OTOF: variants seen among roughly 807,000 people sequenced by gnomAD.
OTOF encodes the protein otoferlin, also known as fer-1-like family member 2.
OTOF carries 218 observed loss-of-function variants against 236.8 expected under a neutral mutation model. The observed-to-expected ratio is 0.92, with a 90% CI of 0.82 to 1.03. The LOEUF (loss-of-function observed/expected upper bound fraction) is 1.03. Ranked by LOEUF, OTOF falls within the 50% of genes least tolerant of loss-of-function variation. The pLI, the probability that OTOF is intolerant of heterozygous loss-of-function variation, is 0.00. For synonymous variants in OTOF, 1,041 were observed against 1,072.5 expected (o/e 0.97, Z 0.57); for missense variants, 2,590 against 2,694.4 (o/e 0.96, Z 0.86).
Position 26,460,818 on chromosome 2 carries a change from C to T in OTOF, c.5712+34G>A. The T allele has an allele frequency of 1.9e-6, 3 of 1,613,960 alleles. No individual in the cohort carries two copies. The highest frequency in any genetic ancestry group is 2.5e-6 in the Non-Finnish European group (3 of 1,179,872). On this transcript the variant is annotated intron_variant, in intron 44 of 46. Transcript: ENST00000272371. This position sits in a 1 kb window ranked among gnomAD's most constrained non-coding sequence, Gnocchi z 5.3. ...CCTTGGCACCCCAGCCAGTCCCAGCCCTGCCTACTGCCCGAGCAGGAAGGG... is the reference window on the plus strand; with the variant it reads ...CCTTGGCACCCCAGCCAGTCCCAGCTCTGCCTACTGCCCGAGCAGGAAGGG...
At position 26,477,333 on chromosome 2, in the gene OTOF, C is replaced by T. The variant is rs376733832; in HGVS notation, c.2407-45G>A. On this transcript the variant is annotated intron_variant, in intron 20 of 46. Coordinates refer to ENST00000272371, the MANE Select transcript of OTOF (RefSeq NM_194248.3). The surrounding 1 kb of genome is among the most constrained non-coding windows in gnomAD (Gnocchi z 4.7). ...AGTGAACCCAGCAACTGGGGGACAG[C>T]TCGGGCCATGACAAAGGGGGTTGTG... 6.3e-7 allele frequency: 1 copy of T among 1,596,838 alleles called. No homozygotes were observed. Among genetic ancestry groups the T allele is most frequent in the African/African-American group, 1.3e-5 (1 of 74,610 alleles).
intron 25 of OTOF, 67 bp downstream of exon 25, chr2:26,475,292 T>G: frequency 6.4e-7 from 1 of 1,570,950 alleles, no homozygotes; most frequent in East Asian, 2.2e-5. Flanking sequence ...TCAGCGCAGG[T>G]GGAGTGCAGG....
chr2:26,492,928 G>T (rs1364733111), intron 9 of OTOF, among the ~76,000 whole-genome samples: 2 of 152,200 alleles, frequency 1.3e-5, no homozygotes, highest in Non-Finnish European at 2.9e-5. Flanking sequence ...TGGGAAAGAG[G>T]AAGTAATTTG....
At chr2:26,526,195 G>A (rs992284824) in intron 3 of OTOF, among the ~76,000 whole-genome samples, 3 of 151,592 alleles carry the variant, frequency 2.0e-5, no homozygotes, top group Non-Finnish European at 4.4e-5. Flanking sequence ...AGTGGTGGAT[G>A]AATGGATGGA....
intron 9 of OTOF, 150 bp downstream of exon 9, chr2:26,494,792 A>G (rs2148071761): frequency 1.2e-6 from 1 of 844,622 alleles, no homozygotes; most frequent in Middle Eastern, 2.8e-4. Flanking sequence ...TCTGTTTGTC[A>G]GTGTCCTGGG....
intron 1 of OTOF, among the ~76,000 whole-genome samples, chr2:26,542,733 C>A (rs1490138633): frequency 6.6e-6 from 1 of 152,188 alleles, no homozygotes; most frequent in Non-Finnish European, 1.5e-5. Flanking sequence ...AAGGGAAAAG[C>A]AAGAATGGTC....
chr2:26,524,628 T>A (rs1207707743), intron 3 of OTOF, among the ~76,000 whole-genome samples: 1 of 152,268 alleles, frequency 6.6e-6, no homozygotes, highest in Non-Finnish European at 1.5e-5. Flanking sequence ...AGTCTTTTGA[T>A]GGGCTCAAGT....
At chr2:26,556,624 G>A (rs999878282) in intron 1 of OTOF, among the ~76,000 whole-genome samples, 2 of 152,108 alleles carry the variant, frequency 1.3e-5, no homozygotes, top group African/African-American at 4.8e-5. Flanking sequence ...GAGAAGATGG[G>A]TGTCAGACAA....
chr2:26,492,337 C>T (rs1167454402), intron 9 of OTOF, among the ~76,000 whole-genome samples: 1 of 152,120 alleles, frequency 6.6e-6, no homozygotes, highest in East Asian at 1.9e-4. Flanking sequence ...TCCAAGATAC[C>T]ATAGTGCTGA....
In OTOF at chr2:26,476,871, C is replaced by T. The variant is rs890867522; in HGVS notation, c.2676+20G>A. 28 of 1,604,262 alleles carry T rather than the reference C, an allele frequency of 1.7e-5. No homozygotes were observed. Among genetic ancestry groups the T allele is most frequent in the Non-Finnish European group, 2.3e-5 (27 of 1,178,664 alleles). ...CCCTGAAAGGACCCAGGCCCCCATC[C>T]ATCCTGCCCCCTCCAGCACCTTAAG... On this transcript the variant is annotated intron_variant, in intron 22 of 46. Coordinates refer to ENST00000272371, the MANE Select transcript of OTOF (RefSeq NM_194248.3).
At chr2:26,542,893 A>T (rs886284350) in intron 1 of OTOF, among the ~76,000 whole-genome samples, 1 of 152,210 alleles carries the variant, frequency 6.6e-6, no homozygotes, top group Non-Finnish European at 1.5e-5. Flanking sequence ...GGCCCAGCCC[A>T]CTAGCCTATC....
chr2:26,547,442 C>CT (rs1667359691), intron 1 of OTOF, among the ~76,000 whole-genome samples: 1 of 152,068 alleles, frequency 6.6e-6, no homozygotes, highest in Non-Finnish European at 1.5e-5. Flanking sequence ...TGTGTAAGGT[C>CT]TTTGTCAGGT....
intron 1 of OTOF, among the ~76,000 whole-genome samples, chr2:26,540,986 A>G (rs1667200221): frequency 6.6e-6 from 1 of 152,368 alleles, no homozygotes; most frequent in South Asian, 2.1e-4. Flanking sequence ...CCCCGCAGGT[A>G]ACACACAATA....
chr2:26,496,569 T>A (rs531236511), intron 8 of OTOF, among the ~76,000 whole-genome samples: 1 of 151,980 alleles, frequency 6.6e-6, no homozygotes, highest in Non-Finnish European at 1.5e-5. Context: ...TAAAAAGATA[T>A]AAGGACAGAG....
rs878924676 is a variant in OTOF, at chr2:26,461,727, A to G, written c.5502T>C (p.Asp1834=). Residue 1834 remains aspartate (D), a synonymous_variant, in exon 43 of 47, where the codon GAT becomes GAC. Coordinates refer to ENST00000272371, the MANE Select transcript of OTOF (RefSeq NM_194248.3). This position sits in a 1 kb window ranked among gnomAD's most constrained non-coding sequence, Gnocchi z 6.2. ...AGTCGTCAGCGGAGAAGTGGTCCGC[A>G]TCCCAGATCTGCAGGGTGAGCCGCG... The part of the protein sequence containing the change: ...IPARLTLQIW[D]ADHFSADDFL... 3.7e-6 allele frequency: 6 copies of G among 1,614,014 alleles called. 1 individual carries two copies. Among genetic ancestry groups the G allele is most frequent in the South Asian group, 2.2e-5 (2 of 91,094 alleles).
At chr2:26,482,105 T>A (rs752736209) in intron 14 of OTOF, among the ~76,000 whole-genome samples, 1 of 152,186 alleles carries the variant, frequency 6.6e-6, no homozygotes, top group Non-Finnish European at 1.5e-5. Flanking sequence ...AATGTGCATA[T>A]CATACTATAA....
intron 35 of OTOF, 51 bp downstream of exon 35, chr2:26,467,048 G>A (rs761338416): frequency 5.6e-6 from 9 of 1,607,528 alleles, no homozygotes; most frequent in Middle Eastern, 3.3e-4. Flanking sequence ...AACCTGTGGG[G>A]GGGGCAAGGG....
chr2:26,524,868 T>A (rs1238390740), intron 3 of OTOF, among the ~76,000 whole-genome samples: 1 of 152,246 alleles, frequency 6.6e-6, no homozygotes, highest in Non-Finnish European at 1.5e-5. Context: ...CAGCTAGGGC[T>A]GTAGTGGCTG....
intron 1 of OTOF, among the ~76,000 whole-genome samples, chr2:26,538,070 C>T (rs1456826955): frequency 6.6e-6 from 1 of 152,222 alleles, no homozygotes; most frequent in Non-Finnish European, 1.5e-5. Context: ...AAGCGGACCT[C>T]AGGCACTCTT....
Sources: allele counts gnomAD v4.1 joint callset (sites outside exome capture counted in the v4.1 genomes callset), GRCh38; gene constraint gnomAD v4.1.1; non-coding constraint Gnocchi (gnomAD v3.1); transcripts MANE v1.5; gene names NCBI Gene and HGNC (gene_info 2026-07-23, HGNC 2026-07-21).